The following RAD21 variants were observed in gnomAD, a reference collection of about 807,000 sequenced individuals.
The protein encoded by RAD21 is RAD21 cohesin complex component.
A neutral mutation model predicts 71.5 loss-of-function variants in RAD21; 18 were observed. That is an observed-to-expected ratio of 0.25 (90% confidence interval 0.17 to 0.37). The LOEUF (loss-of-function observed/expected upper bound fraction) is 0.37, where lower values mean the gene tolerates loss of function less well. Among genes scored for constraint, RAD21 ranks in the 10% least tolerant of loss-of-function variants. The probability of loss-of-function intolerance (pLI) is 1.00; values close to 1 mark genes in which losing one functional copy is unlikely to be tolerated. For synonymous variants in RAD21, 248 were observed against 254.0 expected, an observed-to-expected ratio of 0.98 and a Z score of 0.22; for missense variants, 493 against 769.1, an observed-to-expected ratio of 0.64 and a Z score of 4.25.
Position 116,846,620 on chromosome 8 carries a change from G to A in RAD21, c.*880C>T, listed in dbSNP as rs1204296793. Reference sequence around the variant, plus strand: ...TCTGCTTAAAAGCTAAGTTGACCAGGTGCATAATTTCCCATCAGTCTGTCC... The same window carrying A: ...TCTGCTTAAAAGCTAAGTTGACCAGATGCATAATTTCCCATCAGTCTGTCC... On this transcript the variant is annotated 3_prime_UTR_variant, in exon 14 of 14. Coordinates refer to ENST00000297338, the MANE Select transcript of RAD21 (RefSeq NM_006265.3). 2 of 227,726 alleles carry A rather than the reference G, an allele frequency of 8.8e-6. No individual in the cohort carries two copies. The highest frequency in any genetic ancestry group is 4.4e-5 in the African/African-American group (2 of 45,008). The allele number at this position is 227,726 out of a possible 1,614,324, so 14.1% of individuals were successfully genotyped here.
intron 1 of RAD21, among the ~76,000 whole-genome samples, chr8:116,869,428 A>G (rs572849592): frequency 4.2e-4 from 64 of 152,254 alleles, no homozygotes; most frequent in African/African-American, 1.4e-3. Flanking sequence ...CTACTAAAAA[A>G]CACAGAAACT....
At chr8:116,868,349 C>T (rs927700152) in intron 1 of RAD21, among the ~76,000 whole-genome samples, 11 of 152,196 alleles carry the variant, frequency 7.2e-5, no homozygotes, top group African/African-American at 2.7e-4. Context: ...TACTGTTGGA[C>T]AGCATTCCGT....
At chr8:116,874,295 G>A (rs1586282985) in intron 1 of RAD21, 1 of 152,606 alleles carries the variant, frequency 6.6e-6, no homozygotes, top group African/African-American at 2.4e-5. Flanking sequence ...GCCTCCTGGG[G>A]GACGTGAGAT....
At chr8:116,857,601 A>G (rs1812496473) in intron 5 of RAD21, 128 bp from the exon 6 acceptor site, 1 of 811,708 alleles carries the variant, frequency 1.2e-6, no homozygotes, top group Non-Finnish European at 1.9e-6. Context: ...AAATGTTAAA[A>G]TATCTAGTTT....
intron 1 of RAD21, among the ~76,000 whole-genome samples, chr8:116,868,713 T>A (rs1375573208): frequency 6.6e-6 from 1 of 152,084 alleles, no homozygotes; most frequent in Non-Finnish European, 1.5e-5. Flanking sequence ...ACTTACTATA[T>A]AGCTATAATA....
intron 7 of RAD21, 56 bp downstream of exon 7, chr8:116,856,590 T>C: frequency 6.6e-7 from 1 of 1,508,840 alleles, no homozygotes; most frequent in Non-Finnish European, 8.9e-7. Context: ...CTATGGTAAG[T>C]ATCTTTCTGG....
At chr8:116,854,148 C>T in intron 9 of RAD21, 97 bp downstream of exon 9, 1 of 1,031,654 alleles carries the variant, frequency 9.7e-7, no homozygotes, top group Non-Finnish European at 1.4e-6. Flanking sequence ...CATACAGTTG[C>T]AAAATACTTG....
At chr8:116,854,582 G>A in intron 8 of RAD21, 114 bp from the exon 9 acceptor site, 1 of 790,944 alleles carries the variant, frequency 1.3e-6, no homozygotes, top group East Asian at 2.5e-5. Flanking sequence ...GACTCTAGCA[G>A]AGAAGTTAAA....
rs766127598 is a variant in RAD21 at position 116,874,760 on chromosome 8, A to G, written c.-182T>C. 7 of 456,212 alleles carry G rather than the reference A, an allele frequency of 1.5e-5. No homozygotes were observed. Among genetic ancestry groups the G allele is most frequent in the South Asian group, 1.1e-4 (7 of 64,524 alleles). The allele number at this position is 456,212 out of a possible 1,614,324, so 28.3% of individuals were successfully genotyped here. The stretch of plus-strand genomic sequence containing the variant: ...ACAGCCGGCGCCTCCTTTCCGATTC[A>G]CTCAAACAAACAAGATGGCTGCCGT... On this transcript the variant is annotated 5_prime_UTR_variant, in exon 1 of 14. Coordinates refer to ENST00000297338, the MANE Select transcript of RAD21 (RefSeq NM_006265.3).
chr8:116,848,573 A>G (rs1812291147), intron 13 of RAD21, among the ~76,000 whole-genome samples: 1 of 152,152 alleles, frequency 6.6e-6, no homozygotes, highest in Admixed American at 6.5e-5. Flanking sequence ...CAATGACCCA[A>G]TAAATTTAAT....
chr8:116,858,099 T>C (rs903913541), intron 5 of RAD21, among the ~76,000 whole-genome samples: 15 of 152,322 alleles, frequency 9.8e-5, no homozygotes, highest in African/African-American at 3.4e-4. Flanking sequence ...ACCACTTCAA[T>C]GTTGGGACTC....
intron 2 of RAD21, 26 bp from the exon 3 acceptor site, chr8:116,863,285 C>T: frequency 6.3e-7 from 1 of 1,591,578 alleles, no homozygotes; most frequent in South Asian, 1.1e-5. Context: ...TAATCATATT[C>T]CAAAACCTGC....
chr8:116,863,237 G>C lies in RAD21; in HGVS notation c.167C>G (p.Ser56Ter), dbSNP rs761205243. Reference sequence around the variant, plus strand: ...AACTACTCCCAGTAAGAGATGTCCTGATGTCCGTAATGCCATTTTCACCTA... The same window carrying C: ...AACTACTCCCAGTAAGAGATGTCCTCATGTCCGTAATGCCATTTTCACCTA... The part of the protein sequence containing the change: ...SPKVKMALRT[S>*]GHLLLGVVRI... Residue 56 changes from serine to a stop codon, truncating the protein, a stop_gained, in exon 3 of 14, where the codon TCA becomes TGA. Coordinates refer to ENST00000297338, the MANE Select transcript of RAD21 (RefSeq NM_006265.3). LOFTEE classifies it high-confidence loss of function. 6.2e-7 allele frequency: 1 copy of C among 1,611,244 alleles called. No individual in the cohort carries two copies. Among genetic ancestry groups the C allele is most frequent in the Admixed American group, 1.7e-5 (1 of 59,898 alleles).
chr8:116,862,660 A>C (rs1812613958), intron 3 of RAD21, among the ~76,000 whole-genome samples: 1 of 152,112 alleles, frequency 6.6e-6, no homozygotes, highest in Admixed American at 6.6e-5. Context: ...TTATCTTCTT[A>C]GATGGTGGTG....
chr8:116,857,193 G>T, intron 6 of RAD21, 74 bp downstream of exon 6: 5 of 1,298,294 alleles, frequency 3.9e-6, no homozygotes, highest in Non-Finnish European at 5.4e-6. Context: ...CTCAGAATTA[G>T]CAACTGTTTC....
intron 12 of RAD21, 151 bp downstream of exon 12, chr8:116,850,467 T>C (rs761246950): frequency 5.5e-5 from 71 of 1,283,652 alleles, no homozygotes; most frequent in Non-Finnish European, 4.9e-5. Flanking sequence ...TGATGATCAA[T>C]ACCACGAAGA....
chr8:116,858,469 A>G lies in RAD21; in HGVS notation c.375-11T>C. 1 of 1,600,932 alleles carries G rather than the reference A, an allele frequency of 6.2e-7. No homozygotes were observed. The highest frequency in any genetic ancestry group is 8.5e-7 in the Non-Finnish European group (1 of 1,169,904). Reference sequence around the variant, plus strand: ...GCCACATCGATGTCACTTTAAAAGAAGGTCAAATACATTTTAGTTTCAAGT... The same window carrying G: ...GCCACATCGATGTCACTTTAAAAGAGGGTCAAATACATTTTAGTTTCAAGT... On this transcript the variant is annotated splice_polypyrimidine_tract_variant and intron_variant, in intron 4 of 13. Transcript: ENST00000297338.
intron 4 of RAD21, 143 bp downstream of exon 4, chr8:116,861,698 A>G (rs777211308): frequency 6.3e-5 from 29 of 461,618 alleles, no homozygotes; most frequent in Non-Finnish European, 1.0e-4. Flanking sequence ...TATGTTCCAT[A>G]TTTATATACT....
At chr8:116,870,923 T>A (rs1467953130) in intron 1 of RAD21, among the ~76,000 whole-genome samples, 1 of 152,194 alleles carries the variant, frequency 6.6e-6, no homozygotes, top group Admixed American at 6.5e-5. Flanking sequence ...GCACTTCAGC[T>A]GCTGGTCAGA....
Sources: allele counts gnomAD v4.1 joint callset (sites outside exome capture counted in the v4.1 genomes callset), GRCh38; gene constraint gnomAD v4.1.1; transcripts MANE v1.5; gene names NCBI Gene and HGNC (gene_info 2026-07-23, HGNC 2026-07-21).